The following PCDHGA10 variants were observed in gnomAD, a reference collection of about 807,000 sequenced individuals.
PCDHGA10 encodes protocadherin gamma subfamily A, 10.
In PCDHGA10, 42 loss-of-function variants were observed where a neutral mutation model predicts 59.5. That is an observed-to-expected ratio of 0.71 (90% confidence interval 0.55 to 0.91). PCDHGA10 has a LOEUF of 0.91. PCDHGA10 is among the 40% of genes least tolerant of loss of function. PCDHGA10 has a pLI of 0.00. For missense variants in PCDHGA10, 1,111 were observed against 1,198.2 expected, an observed-to-expected ratio of 0.93 and a Z score of 1.07; for synonymous variants, 511 against 517.2, an observed-to-expected ratio of 0.99 and a Z score of 0.16.
chr5:141,496,783 C>T (rs572860852), intron 2 of PCDHGA10, among the ~76,000 whole-genome samples: 1 of 152,162 alleles, frequency 6.6e-6, no homozygotes, highest in East Asian at 1.9e-4. Context: ...GAGCAGGGCC[C>T]TGTGCTAAAC....
rs370284141 is a variant in PCDHGA10, at chr5:141,421,654, G to A, written c.2436+6043G>A. On this transcript the variant is annotated intron_variant, in intron 1 of 3. Coordinates refer to ENST00000398610, the MANE Select transcript of PCDHGA10 (RefSeq NM_018913.3). ...CCAGGAGGACGAAGTGGAGATAAAA[G>A]TCAGTGAGCACGCAATTCCTGGGGC... The A allele has an allele frequency of 3.5e-5, 57 of 1,613,746 alleles. No individual in the cohort carries two copies. Among genetic ancestry groups the A allele is most frequent in the Admixed American group, 5.0e-5 (3 of 59,974 alleles).
chr5:141,459,557 A>G (rs1052669136), intron 1 of PCDHGA10, among the ~76,000 whole-genome samples: 1 of 152,224 alleles, frequency 6.6e-6, no homozygotes, highest in East Asian at 1.9e-4. Context: ...TCTTGGATAA[A>G]TACCCCAAAA....
At chr5:141,459,442 A>G (rs2098968073) in intron 1 of PCDHGA10, among the ~76,000 whole-genome samples, 1 of 152,198 alleles carries the variant, frequency 6.6e-6, no homozygotes, top group South Asian at 2.1e-4. Context: ...CATTCATTCA[A>G]CTGTTGGTGG....
chr5:141,441,310 C>T (rs2098239133), intron 1 of PCDHGA10: 1 of 152,154 alleles, frequency 6.6e-6, no homozygotes, highest in Non-Finnish European at 1.5e-5. Context: ...AGAAAATGCA[C>T]CTTGAGAAAA....
Position 141,415,473 on chromosome 5 carries a change from C to T in PCDHGA10, c.2298C>T (p.Asp766=). The change falls in exon 1 of 4, where the codon GAC becomes GAT. Residue 766 remains aspartate (D), a synonymous_variant. Coordinates refer to ENST00000398610, the MANE Select transcript of PCDHGA10 (RefSeq NM_018913.3). ...TYSHEVSLTA[D]SRKSHLIFPQ... The stretch of plus-strand genomic sequence containing the variant: ...CCCACGAGGTCTCTCTCACCGCGGA[C>T]TCGCGAAAGAGTCACCTGATCTTCC... 1.2e-6 allele frequency: 2 copies of T among 1,614,224 alleles called. No individual in the cohort carries two copies. The highest frequency in any genetic ancestry group is 1.7e-6 in the Non-Finnish European group (2 of 1,180,040).
Position 141,487,767 on chromosome 5 carries a change from T to G in PCDHGA10, c.2437-7040T>G, listed in dbSNP as rs2099665569. The G allele has an allele frequency of 5.2e-6, 8 of 1,538,298 alleles. No homozygotes were observed. The African/African-American group carries it at 9.6e-5, about 18-fold the overall frequency. On this transcript the variant is annotated intron_variant, in intron 1 of 3. Transcript: ENST00000398610. This position sits in a 1 kb window ranked among gnomAD's most constrained non-coding sequence, Gnocchi z 5.0. ...GGTAACTATGTGGTAGACGCTGTGC[T>G]TTGTAACTGTTTCGTGAATTAACCA... is the stretch of plus-strand genomic sequence containing the variant.
At chr5:141,472,332 G>A (rs566731120) in intron 1 of PCDHGA10, among the ~76,000 whole-genome samples, 1 of 152,116 alleles carries the variant, frequency 6.6e-6, no homozygotes, top group East Asian at 1.9e-4. Flanking sequence ...ACGAGGTTGG[G>A]AGATCGAGAC....
At chr5:141,423,001 G>A in intron 1 of PCDHGA10, 2 of 1,614,230 alleles carry the variant, frequency 1.2e-6, no homozygotes, top group Non-Finnish European at 1.7e-6. Flanking sequence ...GGTGACCAAG[G>A]TGGTTGCGGT....
At chr5:141,456,837 C>G (rs550771859) in intron 1 of PCDHGA10, among the ~76,000 whole-genome samples, 70 of 152,194 alleles carry the variant, frequency 4.6e-4, no homozygotes, top group Non-Finnish European at 8.2e-4. Context: ...GTAGTGGGCG[C>G]CTGTAATCCC....
Position 141,486,170 on chromosome 5 carries a change from C to A in PCDHGA10, c.2437-8637C>A. ...TGGGGGTTCTCCAGCCATGGAGCAACATTGCAGCCTTCGAGTGGATCTGCT... is the reference window on the plus strand; with the variant it reads ...TGGGGGTTCTCCAGCCATGGAGCAAAATTGCAGCCTTCGAGTGGATCTGCT... On this transcript the variant is annotated intron_variant, in intron 1 of 3. Coordinates refer to ENST00000398610, the MANE Select transcript of PCDHGA10 (RefSeq NM_018913.3). This position sits in a 1 kb window ranked among gnomAD's most constrained non-coding sequence, Gnocchi z 5.0. 6.2e-7 allele frequency: 1 copy of A among 1,614,234 alleles called. No homozygotes were observed. Among genetic ancestry groups the A allele is most frequent in the African/African-American group, 1.3e-5 (1 of 75,052 alleles).
At chr5:141,506,829 T>C (rs1449718553) in intron 3 of PCDHGA10, among the ~76,000 whole-genome samples, 1 of 152,182 alleles carries the variant, frequency 6.6e-6, no homozygotes, top group African/African-American at 2.4e-5. Context: ...CATGAACTGA[T>C]AGCCCTGCCC....
chr5:141,470,019 C>G (rs2099219272), intron 1 of PCDHGA10, among the ~76,000 whole-genome samples: 1 of 152,154 alleles, frequency 6.6e-6, no homozygotes, highest in South Asian at 2.1e-4. Context: ...ATCCCAGCTA[C>G]TCGGGATGCT....
chr5:141,461,058 T>C (rs1450016344), intron 1 of PCDHGA10, among the ~76,000 whole-genome samples: 2 of 152,010 alleles, frequency 1.3e-5, no homozygotes, highest in Admixed American at 1.3e-4. Context: ...CTTAGGTTGG[T>C]TTCACATTTT....
At chr5:141,416,870 A>G (rs1315073474) in intron 1 of PCDHGA10, 4 of 152,154 alleles carry the variant, frequency 2.6e-5, no homozygotes, top group Non-Finnish European at 5.9e-5. Flanking sequence ...GTCAGTCAAC[A>G]TTTGTTGAAT....
At chr5:141,433,298 A>G in intron 1 of PCDHGA10, 7 of 1,015,894 alleles carry the variant, frequency 6.9e-6, no homozygotes, top group Non-Finnish European at 1.0e-5. Context: ...GGCTCAAGCA[A>G]TTATCCCACC....
Position 141,476,110 on chromosome 5 carries a change from G to A in PCDHGA10, c.2437-18697G>A. ...GACCCCGCTGAGAGGAACTGCTTTT[G>A]AGTGAGATGGTCCCAGAGGCCTGGA... On this transcript the variant is annotated intron_variant, in intron 1 of 3. Transcript: ENST00000398610. The surrounding 1 kb of genome is among the most constrained non-coding windows in gnomAD (Gnocchi z 7.6). 1.9e-6 allele frequency: 3 copies of A among 1,589,382 alleles called. No homozygotes were observed. The highest frequency in any genetic ancestry group is 2.6e-6 in the Non-Finnish European group (3 of 1,170,364).
intron 1 of PCDHGA10, among the ~76,000 whole-genome samples, chr5:141,458,809 T>G (rs2098953834): frequency 6.6e-6 from 1 of 152,190 alleles, no homozygotes; most frequent in Non-Finnish European, 1.5e-5. Flanking sequence ...CTCAGCTCAC[T>G]GCAACCTCTG....
At chr5:141,425,321 G>A (rs1020940689) in intron 1 of PCDHGA10, among the ~76,000 whole-genome samples, 2 of 152,182 alleles carry the variant, frequency 1.3e-5, no homozygotes, top group South Asian at 2.1e-4. Flanking sequence ...CAAGATCGTG[G>A]AGAACAAAAA....
chr5:141,438,165 G>GA (rs1252266607), intron 1 of PCDHGA10, among the ~76,000 whole-genome samples: 2 of 152,076 alleles, frequency 1.3e-5, no homozygotes, highest in East Asian at 3.8e-4. Flanking sequence ...AAGCTAATTG[G>GA]AAAAAATATT....
Sources: gnomAD v4.1 joint callset for allele counts (sites outside exome capture counted in the v4.1 genomes callset) on GRCh38, gnomAD v4.1.1 for gene constraint, Gnocchi (gnomAD v3.1) non-coding constraint, MANE v1.5 for transcripts, NCBI Gene and HGNC (gene_info 2026-07-23, HGNC 2026-07-21) for gene names.